TPRG1: variants seen among roughly 807,000 people sequenced by gnomAD.
TPRG1 encodes tumor protein p63 regulated 1.
In TPRG1, 29 loss-of-function variants were observed where a neutral mutation model predicts 29.3. That is an observed-to-expected ratio of 0.99 (90% confidence interval 0.74 to 1.35). The LOEUF is 1.35. Ranked by LOEUF, TPRG1 falls within the 40% of genes most tolerant of loss-of-function variation. The pLI is 0.00. For synonymous variants in TPRG1, 130 were observed against 116.8 expected, an observed-to-expected ratio of 1.11 and a Z score of -0.73; for missense variants, 327 against 335.0, an observed-to-expected ratio of 0.98 and a Z score of 0.19.
chr3:189,041,138 G>A (rs1439331373), intron 4 of TPRG1, among the ~76,000 whole-genome samples: 3 of 152,126 alleles, frequency 2.0e-5, no homozygotes, highest in Non-Finnish European at 2.9e-5. Flanking sequence ...TTAGGATGTC[G>A]CTAGGCTCCT....
intron 3 of TPRG1, among the ~76,000 whole-genome samples, chr3:189,011,637 T>C (rs1248343401): frequency 6.6e-6 from 1 of 152,100 alleles, no homozygotes; most frequent in Non-Finnish European, 1.5e-5. Flanking sequence ...GAGAAGAGCA[T>C]GGGAAAGACC....
At chr3:189,022,990 C>G in intron 3 of TPRG1, among the ~76,000 whole-genome samples, 1 of 151,814 alleles carries the variant, frequency 6.6e-6, no homozygotes, top group East Asian at 1.9e-4. Context: ...ACCCGATTTT[C>G]CAGGTGCCGT....
At chr3:189,035,805 CTT>C (rs1714229669) in intron 4 of TPRG1, among the ~76,000 whole-genome samples, 1 of 152,058 alleles carries the variant, frequency 6.6e-6, no homozygotes, top group Non-Finnish European at 1.5e-5. Flanking sequence ...AAAGGAAACA[CTT>C]ATACACTGTT....
At chr3:189,187,560 A>G (rs1201866927) in intron 1 of TPRG1, among the ~76,000 whole-genome samples, 1 of 146,368 alleles carries the variant, frequency 6.8e-6, no homozygotes, top group Non-Finnish European at 1.5e-5. Flanking sequence ...CTCGTGATCC[A>G]CCTGCCTCGG....
intron 5 of TPRG1, among the ~76,000 whole-genome samples, chr3:189,310,769 AC>A (rs572436699): frequency 1.4e-4 from 22 of 152,292 alleles, no homozygotes; most frequent in African/African-American, 4.8e-4. Context: ...TTTATATATA[AC>A]ATGCTGCTTT....
intron 4 of TPRG1, among the ~76,000 whole-genome samples, chr3:189,032,045 C>T (rs1713960314): frequency 6.6e-6 from 1 of 152,110 alleles, no homozygotes; most frequent in African/African-American, 2.4e-5. Context: ...ATATCCACAT[C>T]CTAATGTTTG....
intron 1 of TPRG1, among the ~76,000 whole-genome samples, chr3:189,117,645 C>G (rs746619300): frequency 1.1e-4 from 16 of 152,136 alleles, no homozygotes; most frequent in Non-Finnish European, 2.1e-4. Context: ...GGAGTAGTTT[C>G]CCACATGCTG....
intron 4 of TPRG1, among the ~76,000 whole-genome samples, chr3:189,040,928 C>G (rs1714592785): frequency 6.6e-6 from 1 of 152,166 alleles, no homozygotes. Context: ...GATTGACTTA[C>G]TTCCCAAGAG....
chr3:189,053,355 CAT>C (rs1317868404), intron 4 of TPRG1, among the ~76,000 whole-genome samples: 1 of 152,134 alleles, frequency 6.6e-6, no homozygotes, highest in Non-Finnish European at 1.5e-5. Context: ...TTTGAGGAAA[CAT>C]AGAAATTGAC....
chr3:189,105,511 G>C (rs1022474619), intron 1 of TPRG1, among the ~76,000 whole-genome samples: 83 of 152,016 alleles, frequency 5.5e-4, no homozygotes, highest in African/African-American at 1.9e-3. Flanking sequence ...ATATCCATTA[G>C]AGAGAATCTA....
intron 4 of TPRG1, among the ~76,000 whole-genome samples, chr3:189,259,263 C>A (rs1712523348): frequency 1.3e-5 from 2 of 151,888 alleles, no homozygotes; most frequent in Non-Finnish European, 2.9e-5. Flanking sequence ...AGTTCCCTGA[C>A]CCCTTGGGCT....
intron 1 of TPRG1, among the ~76,000 whole-genome samples, chr3:189,113,413 G>C (rs1390444424): frequency 1.3e-5 from 2 of 152,068 alleles, no homozygotes; most frequent in Admixed American, 1.3e-4. Flanking sequence ...CCAACACTAT[G>C]TTGAATAGGA....
intron 1 of TPRG1, among the ~76,000 whole-genome samples, chr3:189,109,859 T>C (rs1720297335): frequency 1.3e-5 from 2 of 152,200 alleles, no homozygotes; most frequent in African/African-American, 4.8e-5. Flanking sequence ...CTGGCAACCA[T>C]TGATTTGCTT....
At chr3:189,166,523 G>A (rs189163820) in intron 5 of TPRG1, among the ~76,000 whole-genome samples, 2 of 152,272 alleles carry the variant, frequency 1.3e-5, no homozygotes, top group East Asian at 1.9e-4. Flanking sequence ...ATACTTGACC[G>A]AGCACACCCA....
intron 4 of TPRG1, among the ~76,000 whole-genome samples, chr3:189,287,400 C>CTTT (rs79217716): frequency 3.6e-5 from 5 of 140,708 alleles, no homozygotes; most frequent in African/African-American, 5.2e-5. Context: ...TTCTTTCTTT[C>CTTT]TTTTTTTTTT....
chr3:189,181,369 G>A (rs975072678), intron 1 of TPRG1, among the ~76,000 whole-genome samples: 4 of 152,230 alleles, frequency 2.6e-5, no homozygotes, highest in African/African-American at 9.6e-5. Context: ...AAACTTTTAT[G>A]TTCTGCTTCC....
intron 1 of TPRG1, among the ~76,000 whole-genome samples, chr3:189,206,074 CTTTCTT>C (rs1734310395): frequency 3.8e-5 from 4 of 104,384 alleles, no homozygotes; most frequent in South Asian, 3.8e-4. Flanking sequence ...TTTTTTCTTT[CTTTCTT>C]TTTCTTTCTT....
In TPRG1 at chr3:189,321,084, C is replaced by T; in HGVS notation, c.*264C>T. Reference sequence around the variant, plus strand: ...ATCAAATACTGTTATCAAATGAGTGCCTGATCATCAACTCAGGAAAGAAGA... The same window carrying T: ...ATCAAATACTGTTATCAAATGAGTGTCTGATCATCAACTCAGGAAAGAAGA... On this transcript the variant is annotated 3_prime_UTR_variant, in exon 6 of 6. Coordinates refer to ENST00000345063, the MANE Select transcript of TPRG1 (RefSeq NM_198485.4). The T allele has an allele frequency of 3.5e-6, 1 of 287,744 alleles. No individual in the cohort carries two copies. The highest frequency in any genetic ancestry group is 6.3e-6 in the Non-Finnish European group (1 of 157,594). 17.8% of individuals were successfully genotyped at this position (287,744 alleles called of 1,614,324 possible).
intron 5 of TPRG1, among the ~76,000 whole-genome samples, chr3:189,159,348 G>A (rs759620481): frequency 1.3e-5 from 2 of 152,130 alleles, no homozygotes; most frequent in African/African-American, 2.4e-5. Context: ...CCTACCAAGT[G>A]GAGGTGGCAT....
Sources: gnomAD v4.1 joint callset for allele counts (sites outside exome capture counted in the v4.1 genomes callset) on GRCh38, gnomAD v4.1.1 for gene constraint, MANE v1.5 for transcripts, NCBI Gene and HGNC (gene_info 2026-07-23, HGNC 2026-07-21) for gene names.